CALU: variants seen among roughly 807,000 people sequenced by gnomAD.
CALU encodes the protein IEF SSP 9302.
Under a neutral mutation model 37.5 loss-of-function variants are expected in CALU, and 13 were observed. The ratio of observed to expected loss-of-function variants is 0.35; its 90% confidence interval spans 0.23 to 0.55. The LOEUF is 0.55. Ranked by LOEUF, CALU falls within the 20% of genes least tolerant of loss-of-function variation. The pLI is 0.89. For missense variants in CALU, 282 were observed against 391.7 expected (o/e 0.72, Z 2.36); for synonymous variants, 114 against 133.8 (o/e 0.85, Z 1.02).
chr7:128,752,013 T>G (rs1800694055), intron 2 of CALU, among the ~76,000 whole-genome samples: 2 of 152,182 alleles, frequency 1.3e-5, no homozygotes, highest in Non-Finnish European at 2.9e-5. Flanking sequence ...CACAGGCATT[T>G]AAAGATGATA....
In CALU at chr7:128,766,425, C is replaced by CTT. The variant is rs11288081; in HGVS notation, c.644-1011_644-1010dup. On this transcript the variant is annotated intron_variant, in intron 5 of 6. Coordinates refer to ENST00000249364, the MANE Select transcript of CALU (RefSeq NM_001219.5). ...AAGACTGACACTAGTATTTCTTTTT[C>CTT]TTTTTTTTTTTTTTTTTTTTTGAGA... 5.4e-4 allele frequency among the ~76,000 whole-genome samples: 51 copies of CTT among 94,970 alleles called. 1 individual carries two copies. The East Asian group carries it at 0.011, about 21-fold the overall frequency. The allele number at this position is 94,970 out of a possible 152,430, so 62.3% of individuals were successfully genotyped here.
At chr7:128,764,854 T>TGTCTTAA (rs1801267688) in intron 5 of CALU, among the ~76,000 whole-genome samples, 1 of 152,168 alleles carries the variant, frequency 6.6e-6, no homozygotes, top group Non-Finnish European at 1.5e-5. Flanking sequence ...CACATGATAT[T>TGTCTTAA]GTCTTAAAAA....
intron 5 of CALU, among the ~76,000 whole-genome samples, chr7:128,764,452 G>A (rs1436226187): frequency 6.6e-6 from 1 of 152,070 alleles, no homozygotes; most frequent in Non-Finnish European, 1.5e-5. Flanking sequence ...ATCTCTGTTG[G>A]TGATAAGCAT....
intron 3 of CALU, 104 bp from the exon 4 acceptor site, chr7:128,758,767 T>C: frequency 1.2e-6 from 1 of 807,852 alleles, no homozygotes; most frequent in South Asian, 1.7e-5. Flanking sequence ...CAATTATTTC[T>C]TCCTTGCATG....
At chr7:128,763,512 C>A (rs185764099) in intron 5 of CALU, among the ~76,000 whole-genome samples, 1 of 152,196 alleles carries the variant, frequency 6.6e-6, no homozygotes, top group African/African-American at 2.4e-5. Flanking sequence ...GCCTGGGCGA[C>A]AGAGCAAGAC....
At chr7:128,744,923 A>C (rs1800374060) in intron 1 of CALU, among the ~76,000 whole-genome samples, 1 of 152,218 alleles carries the variant, frequency 6.6e-6, no homozygotes, top group South Asian at 2.1e-4. Context: ...CCTTGTATCA[A>C]GATATTAAGC....
chr7:128,742,702 G>A (rs1800285496), intron 1 of CALU, among the ~76,000 whole-genome samples: 1 of 152,146 alleles, frequency 6.6e-6, no homozygotes. Context: ...AGAATTTAGA[G>A]CTTTTAAGGA....
At position 128,745,629 on chromosome 7, in the gene CALU, G is replaced by A. The variant is rs552429860; in HGVS notation, c.-11-2944G>A. On this transcript the variant is annotated intron_variant, in intron 1 of 6. Transcript: ENST00000249364. ...AAAAAAAGAATTGTTTATAGTTTGA[G>A]ATAGAAGTTTCATTTTGCCCTGAAG... Among the ~76,000 whole-genome samples, 99 of 152,214 alleles carry A rather than the reference G, an allele frequency of 6.5e-4. No individual in the cohort carries two copies. In the South Asian group the frequency reaches 0.02, roughly 31 times the overall value.
chr7:128,745,191 C>T (rs2128877548), intron 1 of CALU, among the ~76,000 whole-genome samples: 1 of 152,264 alleles, frequency 6.6e-6, no homozygotes, highest in South Asian at 2.1e-4. Flanking sequence ...AAGGAAAATC[C>T]TTTGTTGCAG....
intron 5 of CALU, among the ~76,000 whole-genome samples, chr7:128,763,121 T>C (rs372585816): frequency 8.5e-5 from 13 of 152,214 alleles, no homozygotes; most frequent in African/African-American, 2.7e-4. Context: ...TCTGTAAACA[T>C]TGAGGTATAT....
In CALU at chr7:128,759,697, T is replaced by C; in HGVS notation, c.583-95T>C. The C allele has an allele frequency of 8.3e-6, 6 of 724,924 alleles. No homozygotes were observed. The South Asian group carries it at 8.5e-5, about 10-fold the overall frequency. 44.9% of individuals were successfully genotyped at this position (724,924 alleles called of 1,614,324 possible). A position where few individuals can be genotyped will look rare whatever the true frequency, so the allele number is the denominator to read the frequency against. ...TACATACATGTACAAGTGTGTTTAA[T>C]GAATAATAAATGTTTACCTAAACTA... On this transcript the variant is annotated intron_variant, in intron 4 of 6. Transcript: ENST00000249364.
In CALU at chr7:128,772,617, T is replaced by C. The variant is rs753945979; in HGVS notation, c.*3450T>C. ...GAGCTGCATGTGTCGGATTCATCTGTCATGGCCTTCCCACACACCATCTTC... is the reference window on the plus strand; with the variant it reads ...GAGCTGCATGTGTCGGATTCATCTGCCATGGCCTTCCCACACACCATCTTC... On this transcript the variant is annotated 3_prime_UTR_variant, in exon 7 of 7. Coordinates refer to ENST00000249364, the MANE Select transcript of CALU (RefSeq NM_001219.5). 1 of 1,614,140 alleles carries C rather than the reference T, an allele frequency of 6.2e-7. No individual in the cohort carries two copies. The highest frequency in any genetic ancestry group is 1.7e-5 in the Admixed American group (1 of 60,020).
chr7:128,751,968 C>T (rs1800692395), intron 2 of CALU, among the ~76,000 whole-genome samples: 1 of 152,182 alleles, frequency 6.6e-6, no homozygotes, highest in African/African-American at 2.4e-5. Context: ...TCTCCCCTGT[C>T]ACAGGACTAT....
intron 5 of CALU, 50 bp from the exon 6 acceptor site, chr7:128,767,406 T>A (rs1362948574): frequency 1.4e-5 from 20 of 1,439,734 alleles, no homozygotes; most frequent in African/African-American, 2.8e-5. Context: ...CATGAGGCAG[T>A]TTTGGGGAAA....
intron 3 of CALU, among the ~76,000 whole-genome samples, chr7:128,756,358 A>G (rs1563131730): frequency 6.6e-6 from 1 of 152,206 alleles, no homozygotes; most frequent in Non-Finnish European, 1.5e-5. Context: ...AGATGATTCA[A>G]CGTAATGGGT....
chr7:128,748,313 G>A, intron 1 of CALU: 5 of 1,376,612 alleles, frequency 3.6e-6, no homozygotes, highest in South Asian at 1.4e-5. Flanking sequence ...AAAACAGAAA[G>A]TGGACATTTT....
intron 2 of CALU, among the ~76,000 whole-genome samples, chr7:128,751,598 G>A (rs531898712): frequency 1.3e-5 from 2 of 152,250 alleles, no homozygotes; most frequent in East Asian, 1.9e-4. Context: ...ATGGTGGCAT[G>A]TGCCTGTAGT....
Position 128,773,361 on chromosome 7 carries a change from G to A in CALU, c.*4194G>A, listed in dbSNP as rs753772247. Among the ~76,000 whole-genome samples the A allele has an allele frequency of 6.6e-6, 1 of 152,166 alleles. No individual in the cohort carries two copies. The highest frequency in any genetic ancestry group is 2.4e-5 in the African/African-American group (1 of 41,420). On this transcript the variant is annotated 3_prime_UTR_variant, in exon 7 of 7. Transcript: ENST00000249364. ...TACATAGGTAAACGTGTGCCATGGT[G>A]GTTTGCTGCACGAGTTTTTCAATAA...
At position 128,759,731 on chromosome 7, in the gene CALU, ACTTT is replaced by A. The variant is rs1235916293; in HGVS notation, c.583-57_583-54del. ...AATGTTTACCTAAACTAGATACTTT[ACTTT>A]CTTCTGGCAAATTCAGAGACCAACT... On this transcript the variant is annotated intron_variant, in intron 4 of 6. Transcript: ENST00000249364. 13 of 855,608 alleles carry A rather than the reference ACTTT, an allele frequency of 1.5e-5. No homozygotes were observed. The African/African-American group carries it at 1.8e-4, about 12-fold the overall frequency. The allele number at this position is 855,608 out of a possible 1,614,324, so 53.0% of individuals were successfully genotyped here.
Sources: allele counts gnomAD v4.1 joint callset (sites outside exome capture counted in the v4.1 genomes callset), GRCh38; gene constraint gnomAD v4.1.1; transcripts MANE v1.5; gene names NCBI Gene and HGNC (gene_info 2026-07-23, HGNC 2026-07-21).